Variants in CTNNA3 observed in about 807,000 individuals in gnomAD.
CTNNA3 encodes catenin alpha-3.
Under a neutral mutation model 95.7 loss-of-function variants are expected in CTNNA3, and 76 were observed. The ratio of observed to expected loss-of-function variants is 0.79; its 90% CI spans 0.66 to 0.96. The LOEUF (loss-of-function observed/expected upper bound fraction) is 0.96. Ranked by LOEUF, CTNNA3 falls within the 40% of genes least tolerant of loss-of-function variation. CTNNA3 has a pLI of 0.00. For missense variants in CTNNA3, 1,191 were observed against 1,089.8 expected (o/e 1.09, Z -1.31); for synonymous variants, 431 against 374.4 (o/e 1.15, Z -1.74).
intron 3 of CTNNA3, among the ~76,000 whole-genome samples, chr10:67,582,866 A>G (rs1842460434): frequency 6.6e-6 from 1 of 151,946 alleles, no homozygotes; most frequent in Non-Finnish European, 1.5e-5. Context: ...GTTTTATTAG[A>G]GACTAGGATT....
intron 1 of CTNNA3, among the ~76,000 whole-genome samples, chr10:67,674,631 A>T (rs142444796): frequency 1.1e-3 from 174 of 152,274 alleles, no homozygotes; most frequent in African/African-American, 4.1e-3. Context: ...TCCCATCAAC[A>T]TGGGACATGC....
intron 5 of CTNNA3, among the ~76,000 whole-genome samples, chr10:67,375,200 T>A (rs570124602): frequency 6.6e-6 from 1 of 152,352 alleles, no homozygotes; most frequent in Admixed American, 6.5e-5. Context: ...AAGTTTTTAA[T>A]GGTAAACACA....
intron 9 of CTNNA3, among the ~76,000 whole-genome samples, chr10:66,622,076 G>A (rs974522364): frequency 6.6e-6 from 1 of 152,124 alleles, no homozygotes. Context: ...AAGCTATTGT[G>A]AGACTGGAAA....
At chr10:66,162,633 T>A (rs1432243051) in intron 13 of CTNNA3, among the ~76,000 whole-genome samples, 1 of 152,114 alleles carries the variant, frequency 6.6e-6, no homozygotes, top group East Asian at 1.9e-4. Flanking sequence ...TGCTATGGAC[T>A]CCATGAGGGT....
chr10:66,579,590 G>A (rs1196542805), intron 10 of CTNNA3, among the ~76,000 whole-genome samples: 2 of 151,476 alleles, frequency 1.3e-5, no homozygotes, highest in African/African-American at 4.8e-5. Context: ...TAATATTTCA[G>A]GCCACAGAGA....
intron 7 of CTNNA3, among the ~76,000 whole-genome samples, chr10:66,855,568 C>A (rs529003356): frequency 2.5e-4 from 38 of 152,062 alleles, no homozygotes; most frequent in Admixed American, 2.5e-3. Context: ...CAGGACCCAA[C>A]ACAATCAAGG....
At chr10:67,306,892 G>C (rs377167528) in intron 5 of CTNNA3, among the ~76,000 whole-genome samples, 1 of 152,136 alleles carries the variant, frequency 6.6e-6, no homozygotes, top group African/African-American at 2.4e-5. Flanking sequence ...TATTCCAGAG[G>C]AAACACTATT....
chr10:66,931,899 A>G (rs1847419388), intron 7 of CTNNA3, among the ~76,000 whole-genome samples: 1 of 152,190 alleles, frequency 6.6e-6, no homozygotes, highest in Admixed American at 6.5e-5. Flanking sequence ...TTTTTATTAA[A>G]GGGGTTAATA....
chr10:66,309,226 A>C (rs2091971987), intron 12 of CTNNA3, among the ~76,000 whole-genome samples: 1 of 152,184 alleles, frequency 6.6e-6, no homozygotes, highest in Admixed American at 6.5e-5. Context: ...CTAGAACTAT[A>C]TATACTCTGC....
At chr10:66,112,804 CT>C (rs973988593) in intron 13 of CTNNA3, among the ~76,000 whole-genome samples, 2 of 126,448 alleles carry the variant, frequency 1.6e-5, no homozygotes, top group African/African-American at 2.5e-5. Context: ...GACTGATCTC[CT>C]TTTTTTTTAA....
intron 11 of CTNNA3, among the ~76,000 whole-genome samples, chr10:66,417,476 A>T (rs2093156948): frequency 6.6e-6 from 1 of 152,072 alleles, no homozygotes; most frequent in African/African-American, 2.4e-5. Context: ...TCGTCTAGAA[A>T]GAAAATCAAA....
At chr10:65,997,152 A>T (rs2078680879) in intron 15 of CTNNA3, among the ~76,000 whole-genome samples, 1 of 152,190 alleles carries the variant, frequency 6.6e-6, no homozygotes. Flanking sequence ...TTTGTCTCAT[A>T]GTGGTTCTCC....
chr10:66,311,729 A>G (rs2092023621), intron 12 of CTNNA3, among the ~76,000 whole-genome samples: 1 of 152,214 alleles, frequency 6.6e-6, no homozygotes, highest in Non-Finnish European at 1.5e-5. Flanking sequence ...AAATTTCTAC[A>G]TGGGGCTCCT....
At chr10:67,240,321 G>A (rs1865669268) in intron 5 of CTNNA3, among the ~76,000 whole-genome samples, 1 of 152,094 alleles carries the variant, frequency 6.6e-6, no homozygotes, top group Admixed American at 6.5e-5. Context: ...ACTGGTCATT[G>A]GGCAGCTTCA....
intron 2 of CTNNA3, among the ~76,000 whole-genome samples, chr10:67,644,999 A>T (rs536054497): frequency 6.6e-6 from 1 of 152,196 alleles, no homozygotes; most frequent in South Asian, 2.1e-4. Flanking sequence ...TGGATCATGA[A>T]AAGTTTGAAT....
chr10:66,706,158 C>A (rs1848109710), intron 9 of CTNNA3, among the ~76,000 whole-genome samples: 1 of 151,936 alleles, frequency 6.6e-6, no homozygotes, highest in South Asian at 2.1e-4. Flanking sequence ...TTTACTACTG[C>A]CTACAAAAAA....
intron 9 of CTNNA3, among the ~76,000 whole-genome samples, chr10:66,748,314 T>C (rs1457787167): frequency 1.3e-5 from 2 of 152,196 alleles, no homozygotes; most frequent in Non-Finnish European, 2.9e-5. Context: ...TTTTAAAAAT[T>C]ATACTACTGC....
intron 13 of CTNNA3, among the ~76,000 whole-genome samples, chr10:66,253,034 C>T (rs796127059): frequency 4.6e-5 from 7 of 152,250 alleles, no homozygotes; most frequent in African/African-American, 1.7e-4. Flanking sequence ...AAGTTGTTTT[C>T]ACCATAATTT....
intron 7 of CTNNA3, among the ~76,000 whole-genome samples, chr10:66,845,022 C>T (rs1843196325): frequency 6.6e-6 from 1 of 152,060 alleles, no homozygotes; most frequent in African/African-American, 2.4e-5. Context: ...ACAAACCATG[C>T]AAGTCTAAAG....
Sources: gnomAD v4.1 joint callset for allele counts (sites outside exome capture counted in the v4.1 genomes callset) on GRCh38, gnomAD v4.1.1 for gene constraint, MANE v1.5 for transcripts, NCBI Gene and HGNC (gene_info 2026-07-23, HGNC 2026-07-21) for gene names.